MYO1D: variants seen among roughly 807,000 people sequenced by gnomAD.
MYO1D encodes the protein unconventional myosin-Id.
Under a neutral mutation model 122.0 loss-of-function variants are expected in MYO1D, and 83 were observed. The ratio of observed to expected loss-of-function variants is 0.68; its 90% CI spans 0.57 to 0.82. MYO1D has a LOEUF of 0.82. Among genes scored for constraint, MYO1D ranks in the 40% least tolerant of loss-of-function variants. The probability of loss-of-function intolerance (pLI) is 0.00; values close to 1 mark genes in which losing one functional copy is unlikely to be tolerated. For missense variants in MYO1D, 1,157 were observed against 1,269.5 expected, an observed-to-expected ratio of 0.91 and a Z score of 1.35; for synonymous variants, 464 against 446.9, an observed-to-expected ratio of 1.04 and a Z score of -0.48.
At chr17:32,763,787 G>GCA (rs914361378) in intron 8 of MYO1D, among the ~76,000 whole-genome samples, 3 of 152,114 alleles carry the variant, frequency 2.0e-5, no homozygotes, top group Non-Finnish European at 4.4e-5. Context: ...GGGCGTGGTG[G>GCA]CACACTCCTG....
chr17:32,687,546 T>G (rs887664255), intron 16 of MYO1D, among the ~76,000 whole-genome samples: 4 of 152,166 alleles, frequency 2.6e-5, no homozygotes, highest in Admixed American at 2.6e-4. Context: ...TCTCACCATG[T>G]TGCCCAGGCT....
At chr17:32,809,852 AC>A (rs2090554049) in intron 1 of MYO1D, among the ~76,000 whole-genome samples, 1 of 152,232 alleles carries the variant, frequency 6.6e-6, no homozygotes, top group African/African-American at 2.4e-5. Context: ...AAGGGGTCCA[AC>A]TATAATTGTC....
In MYO1D at chr17:32,767,635, C is replaced by A; in HGVS notation, c.831+1G>T. On this transcript the variant is annotated splice_donor_variant, in intron 7 of 21. Coordinates refer to ENST00000318217, the MANE Select transcript of MYO1D (RefSeq NM_015194.3). LOFTEE classifies it high-confidence loss of function. Reference sequence around the variant, plus strand: ...ACATTCTGAGAGGTGTCCCTACTCACCAAGTGCAGAATAGCAGCCAAAATC... The same window carrying A: ...ACATTCTGAGAGGTGTCCCTACTCAACAAGTGCAGAATAGCAGCCAAAATC... The A allele has an allele frequency of 6.3e-7, 1 of 1,587,452 alleles. No homozygotes were observed.
At chr17:32,698,028 C>T (rs1275730354) in intron 16 of MYO1D, among the ~76,000 whole-genome samples, 3 of 152,182 alleles carry the variant, frequency 2.0e-5, no homozygotes, top group Non-Finnish European at 4.4e-5. Flanking sequence ...CAAATCCCAG[C>T]TCTGGTGTTT....
chr17:32,714,822 A>C (rs1332313769), intron 15 of MYO1D, among the ~76,000 whole-genome samples: 1 of 152,182 alleles, frequency 6.6e-6, no homozygotes, highest in Non-Finnish European at 1.5e-5. Context: ...ATGACAAATT[A>C]AACTAAAGAG....
At chr17:32,816,273 T>C (rs1219431757) in intron 1 of MYO1D, among the ~76,000 whole-genome samples, 3 of 152,010 alleles carry the variant, frequency 2.0e-5, no homozygotes, top group East Asian at 1.9e-4. Flanking sequence ...ACAAGAGATA[T>C]AGGAAGAGGT....
chr17:32,781,752 T>C (rs980049980), intron 1 of MYO1D, among the ~76,000 whole-genome samples: 1 of 123,906 alleles, frequency 8.1e-6, no homozygotes, highest in Non-Finnish European at 1.7e-5. Flanking sequence ...AAAAAAAAAA[T>C]ACAAAGCTTG....
intron 1 of MYO1D, among the ~76,000 whole-genome samples, chr17:32,871,034 T>C (rs1203562349): frequency 6.6e-6 from 1 of 152,124 alleles, no homozygotes; most frequent in Non-Finnish European, 1.5e-5. Context: ...TTTTGGGGGA[T>C]TGGGAAAGAT....
chr17:32,635,300 G>A (rs2088082157), intron 20 of MYO1D, among the ~76,000 whole-genome samples: 1 of 152,172 alleles, frequency 6.6e-6, no homozygotes, highest in Non-Finnish European at 1.5e-5. Context: ...TTGTGGAGGA[G>A]GCTAAACGAT....
chr17:32,534,158 C>A (rs980549574), intron 21 of MYO1D, among the ~76,000 whole-genome samples: 1 of 152,040 alleles, frequency 6.6e-6, no homozygotes, highest in African/African-American at 2.4e-5. Context: ...ACTTTTATTA[C>A]ATTTTTAAAA....
intron 16 of MYO1D, among the ~76,000 whole-genome samples, chr17:32,676,710 T>A (rs1029317685): frequency 6.6e-6 from 1 of 152,218 alleles, no homozygotes; most frequent in Non-Finnish European, 1.5e-5. Flanking sequence ...AGAGGTTTCA[T>A]GTTCTGTGAA....
At chr17:32,773,823 C>A (rs933199666) in intron 4 of MYO1D, among the ~76,000 whole-genome samples, 16 of 152,146 alleles carry the variant, frequency 1.1e-4, no homozygotes, top group African/African-American at 3.4e-4. Flanking sequence ...GTACAATGGG[C>A]AAATGATCTG....
intron 5 of MYO1D, among the ~76,000 whole-genome samples, chr17:32,772,050 T>C (rs2090118131): frequency 6.6e-6 from 1 of 152,228 alleles, no homozygotes; most frequent in Admixed American, 6.5e-5. Flanking sequence ...GAGTAGTGTC[T>C]ATTAAAGCAG....
chr17:32,540,114 G>C (rs1404800654), intron 21 of MYO1D, among the ~76,000 whole-genome samples: 1 of 152,038 alleles, frequency 6.6e-6, no homozygotes, highest in Non-Finnish European at 1.5e-5. Context: ...GGGAGTCTGA[G>C]GCAGGCGGAT....
intron 19 of MYO1D, among the ~76,000 whole-genome samples, chr17:32,648,909 G>A (rs936994268): frequency 2.0e-5 from 3 of 150,562 alleles, no homozygotes; most frequent in Admixed American, 6.6e-5. Context: ...TTATAATTTC[G>A]TTTCTCTCCT....
chr17:32,778,076 G>C (rs2090196067), intron 3 of MYO1D, among the ~76,000 whole-genome samples: 1 of 152,174 alleles, frequency 6.6e-6, no homozygotes. Flanking sequence ...TAAAAACCCT[G>C]ATGTGGTGCA....
At chr17:32,650,343 G>A (rs898008559) in intron 19 of MYO1D, among the ~76,000 whole-genome samples, 10 of 152,026 alleles carry the variant, frequency 6.6e-5, no homozygotes, top group Non-Finnish European at 1.0e-4. Context: ...TACTGGTATT[G>A]AGCAATTTAG....
At chr17:32,730,672 G>C (rs1242278308) in intron 14 of MYO1D, among the ~76,000 whole-genome samples, 1 of 152,092 alleles carries the variant, frequency 6.6e-6, no homozygotes, top group African/African-American at 2.4e-5. Context: ...TTCTCTGGCT[G>C]CTTTTAAGAT....
At chr17:32,759,082 A>C (rs1421721054) in intron 10 of MYO1D, among the ~76,000 whole-genome samples, 1 of 152,166 alleles carries the variant, frequency 6.6e-6, no homozygotes, top group African/African-American at 2.4e-5. Flanking sequence ...ACCGTGTATT[A>C]TATTATACAA....
Sources: gnomAD v4.1 joint callset for allele counts (sites outside exome capture counted in the v4.1 genomes callset) on GRCh38, gnomAD v4.1.1 for gene constraint, MANE v1.5 for transcripts, NCBI Gene and HGNC (gene_info 2026-07-23, HGNC 2026-07-21) for gene names.